CCDC180: variants seen among roughly 807,000 people sequenced by gnomAD.
CCDC180 encodes the protein coiled-coil domain-containing protein 180.
A neutral mutation model predicts 209.2 loss-of-function variants in CCDC180; 154 were observed. That is an observed-to-expected ratio of 0.74 (90% CI 0.65 to 0.84). CCDC180 has a LOEUF of 0.84. Ranked by LOEUF, CCDC180 falls within the 40% of genes least tolerant of loss-of-function variation. The pLI, the probability that CCDC180 is intolerant of heterozygous loss-of-function variation, is 0.00. For missense variants in CCDC180, 1,874 were observed against 1,997.3 expected, an observed-to-expected ratio of 0.94 and a Z score of 1.18; for synonymous variants, 778 against 749.1, an observed-to-expected ratio of 1.04 and a Z score of -0.63.
At chr9:97,352,110 C>T (rs973390714) in intron 22 of CCDC180, among the ~76,000 whole-genome samples, 1 of 135,248 alleles carries the variant, frequency 7.4e-6, no homozygotes, top group Non-Finnish European at 1.6e-5. Flanking sequence ...GAGATTCCAT[C>T]TCAAAACAAC....
intron 22 of CCDC180, among the ~76,000 whole-genome samples, chr9:97,353,115 G>A (rs1826471491): frequency 6.6e-6 from 1 of 152,114 alleles, no homozygotes; most frequent in East Asian, 1.9e-4. Context: ...TCCTGCCTCA[G>A]CATCCCGAGT....
chr9:97,344,776 TATGAAA>T (rs1286848172), intron 19 of CCDC180, among the ~76,000 whole-genome samples: 1 of 152,186 alleles, frequency 6.6e-6, no homozygotes, highest in Non-Finnish European at 1.5e-5. Flanking sequence ...TTCATAAAAG[TATGAAA>T]ATCATAAGTG....
rs753768660 is a variant in CCDC180, at chr9:97,309,451, G to A, written c.107G>A (p.Arg36Gln). ...CACTCCCTGGCGGCCACCAGGAAGC[G>A]GGCTGCAGAGCGTTCTGTGACCCTG... Reference protein sequence around the residue: ...LVHSLAATRKRAAERSVTLKS... With the variant: ...LVHSLAATRKQAAERSVTLKS... The change falls in exon 3 of 37, where the codon CGG becomes CAG. Residue 36 changes from arginine (R) to glutamine (Q), a missense_variant. Transcript: ENST00000529487. 9.4e-6 allele frequency: 15 copies of A among 1,602,478 alleles called. No individual in the cohort carries two copies. The highest frequency in any genetic ancestry group is 1.7e-5 in the Admixed American group (1 of 58,206).
chr9:97,345,681 G>A (rs1189357906), intron 19 of CCDC180: 2 of 375,140 alleles, frequency 5.3e-6, no homozygotes, highest in African/African-American at 4.4e-5. Context: ...AACCCAGGAG[G>A]CGGAGGTTAC....
intron 22 of CCDC180, among the ~76,000 whole-genome samples, chr9:97,352,184 T>G (rs1169712164): frequency 6.6e-6 from 1 of 152,054 alleles, no homozygotes. Flanking sequence ...GGAAACCAAT[T>G]TATTAACATG....
rs569006114 is a variant in CCDC180 at position 97,340,750 on chromosome 9, C to T, written c.2275-2590C>T. On this transcript the variant is annotated intron_variant, in intron 18 of 36. Coordinates refer to ENST00000529487, the MANE Select transcript of CCDC180 (RefSeq NM_020893.6). ...CAGGCGGACCATGGTCTAGTGGTAGCGAAAAGTGTCAAGGGACAACACCCG... is the reference window on the plus strand; with the variant it reads ...CAGGCGGACCATGGTCTAGTGGTAGTGAAAAGTGTCAAGGGACAACACCCG... 4.0e-3 allele frequency among the ~76,000 whole-genome samples: 613 copies of T among 152,156 alleles called. 7 individuals are homozygous for T. Among genetic ancestry groups the T allele is most frequent in the African/African-American group, 0.014 (589 of 41,524 alleles).
chr9:97,358,499 T>A (rs1826653576), intron 25 of CCDC180, among the ~76,000 whole-genome samples: 1 of 152,184 alleles, frequency 6.6e-6, no homozygotes, highest in Non-Finnish European at 1.5e-5. Context: ...TGGAACAGTT[T>A]GTGGAGAGCG....
intron 25 of CCDC180, among the ~76,000 whole-genome samples, chr9:97,359,566 C>G (rs1284961629): frequency 6.6e-6 from 1 of 152,126 alleles, no homozygotes; most frequent in Non-Finnish European, 1.5e-5. Context: ...AGATCACTCT[C>G]CTACACACTC....
At chr9:97,371,795 A>G (rs1327872158) in intron 34 of CCDC180, 89 bp downstream of exon 34, 2 of 671,278 alleles carry the variant, frequency 3.0e-6, no homozygotes, top group Non-Finnish European at 5.1e-6. Context: ...AACTCTATCA[A>G]AGTGAAAACA....
chr9:97,360,074 G>A lies in CCDC180; in HGVS notation c.3456G>A (p.Arg1152=). 6.2e-7 allele frequency: 1 copy of A among 1,613,932 alleles called. No individual in the cohort carries two copies. Among genetic ancestry groups the A allele is most frequent in the African/African-American group, 1.3e-5 (1 of 75,016 alleles). The change falls in exon 26 of 37, where the codon AGG becomes AGA. Residue 1152 remains arginine, a synonymous_variant. Coordinates refer to ENST00000529487, the MANE Select transcript of CCDC180 (RefSeq NM_020893.6). ...RIQYLNCSLD[R]VSMTELVFTN... The stretch of plus-strand genomic sequence containing the variant: ...AGTACCTTAACTGCAGCCTGGACAG[G>A]GTGTCCATGACTGAACTGGTCTTTA...
At chr9:97,353,516 T>C (rs1826481889) in intron 22 of CCDC180, among the ~76,000 whole-genome samples, 1 of 152,210 alleles carries the variant, frequency 6.6e-6, no homozygotes, top group Non-Finnish European at 1.5e-5. Context: ...TATCAATTTT[T>C]AAAACTACGA....
In CCDC180 at chr9:97,328,137, C is replaced by G; in HGVS notation, c.1779C>G (p.Ile593Met). Reference sequence around the variant, plus strand: ...GCCAATACTTCTTTGTGCGTGAAATCTTTGAACAGGTATGGAGAGGGTGAT... The same window carrying G: ...GCCAATACTTCTTTGTGCGTGAAATGTTTGAACAGGTATGGAGAGGGTGAT... ...ALSQYFFVREIFEQNLAGEVI... is the reference protein window; with the variant it reads ...ALSQYFFVREMFEQNLAGEVI... Residue 593 changes from isoleucine (I) to methionine (M), a missense_variant, in exon 16 of 37, where the codon ATC becomes ATG. Ile to Met is a conservative substitution (Grantham distance 10, BLOSUM62 1). Transcript: ENST00000529487. 1 of 1,613,940 alleles carries G rather than the reference C, an allele frequency of 6.2e-7. No individual in the cohort carries two copies. The highest frequency in any genetic ancestry group is 8.5e-7 in the Non-Finnish European group (1 of 1,179,874).
Position 97,307,812 on chromosome 9 carries a change from T to C in CCDC180, c.-82+6T>C. 1 of 1,614,082 alleles carries C rather than the reference T, an allele frequency of 6.2e-7. No homozygotes were observed. On this transcript the variant is annotated splice_donor_region_variant and intron_variant, in intron 1 of 36. Transcript: ENST00000529487. ...GAGTTCAGAGCTCATCTGAGGTTAGTTTCATCGTTTCGTTGAAAGTTAAAA... is the reference window on the plus strand; with the variant it reads ...GAGTTCAGAGCTCATCTGAGGTTAGCTTCATCGTTTCGTTGAAAGTTAAAA...
At chr9:97,345,471 C>A in intron 19 of CCDC180, 1 of 356,252 alleles carries the variant, frequency 2.8e-6, no homozygotes. Context: ...ATATTGTATA[C>A]CTTTAAAAAT....
intron 35 of CCDC180, among the ~76,000 whole-genome samples, chr9:97,375,035 C>T (rs1474957604): frequency 6.6e-6 from 1 of 152,178 alleles, no homozygotes; most frequent in African/African-American, 2.4e-5. Context: ...GTGCCTGTTC[C>T]CTGTGCCCCA....
chr9:97,369,796 CTTACCACG>C (rs559072046), intron 31 of CCDC180, 118 bp from the exon 32 acceptor site: 699 of 1,007,916 alleles, frequency 6.9e-4, no homozygotes, highest in Admixed American at 1.1e-3. Context: ...TGGAATAGCT[CTTACCACG>C]TTGGAGACCA....
Position 97,362,181 on chromosome 9 carries a change from T to C in CCDC180, c.3657-15T>C. 1 of 1,607,108 alleles carries C rather than the reference T, an allele frequency of 6.2e-7. No homozygotes were observed. The highest frequency in any genetic ancestry group is 8.5e-7 in the Non-Finnish European group (1 of 1,175,084). Reference sequence around the variant, plus strand: ...GTCACCGGAGAAGAGCTCACACCCTTTCCTTTGGTTTCAGACTTCCCAACA... The same window carrying C: ...GTCACCGGAGAAGAGCTCACACCCTCTCCTTTGGTTTCAGACTTCCCAACA... On this transcript the variant is annotated splice_polypyrimidine_tract_variant and intron_variant, in intron 27 of 36. Coordinates refer to ENST00000529487, the MANE Select transcript of CCDC180 (RefSeq NM_020893.6).
At chr9:97,328,313 T>C (rs1216946425) in intron 16 of CCDC180, among the ~76,000 whole-genome samples, 167 bp downstream of exon 16, 1 of 152,148 alleles carries the variant, frequency 6.6e-6, no homozygotes, top group African/African-American at 2.4e-5. Flanking sequence ...ACCATCTCTT[T>C]CTCAGTATAA....
intron 36 of CCDC180, 32 bp from the exon 37 acceptor site, chr9:97,376,731 C>T (rs528022759): frequency 3.1e-6 from 5 of 1,605,360 alleles, no homozygotes; most frequent in African/African-American, 2.7e-5. Context: ...TGTCTCTCCT[C>T]ATGTGGACCC....
Sources: allele counts gnomAD v4.1 joint callset (sites outside exome capture counted in the v4.1 genomes callset), GRCh38; gene constraint gnomAD v4.1.1; transcripts MANE v1.5; gene names NCBI Gene and HGNC (gene_info 2026-07-23, HGNC 2026-07-21).